ANKRD44: variants seen among roughly 807,000 people sequenced by gnomAD.
ANKRD44 encodes serine/threonine-protein phosphatase 6 regulatory ankyrin repeat subunit B.
Under a neutral mutation model 116.0 loss-of-function variants are expected in ANKRD44, and 35 were observed. That is an observed-to-expected ratio of 0.30 (90% CI 0.23 to 0.40). The LOEUF (loss-of-function observed/expected upper bound fraction) is 0.40. Ranked by LOEUF, ANKRD44 falls within the 10% of genes least tolerant of loss-of-function variation. The pLI, the probability that ANKRD44 is intolerant of heterozygous loss-of-function variation, is 1.00. For synonymous variants in ANKRD44, 435 were observed against 461.8 expected, an observed-to-expected ratio of 0.94 and a Z score of 0.74; for missense variants, 1,014 against 1,242.6, an observed-to-expected ratio of 0.82 and a Z score of 2.77.
intron 27 of ANKRD44, among the ~76,000 whole-genome samples, chr2:196,991,366 C>T (rs569031498): frequency 1.3e-5 from 2 of 152,254 alleles, no homozygotes; most frequent in South Asian, 4.2e-4. Context: ...AGAACAATGA[C>T]TTTCCATTGT....
At chr2:197,038,968 T>G (rs2124939637) in intron 16 of ANKRD44, among the ~76,000 whole-genome samples, 1 of 152,304 alleles carries the variant, frequency 6.6e-6, no homozygotes, top group East Asian at 1.9e-4. Flanking sequence ...AATCAAAGTG[T>G]TCCCATATTA....
intron 1 of ANKRD44, among the ~76,000 whole-genome samples, chr2:197,267,829 C>T (rs1327084657): frequency 5.3e-5 from 8 of 152,178 alleles, no homozygotes; most frequent in East Asian, 3.9e-4. Flanking sequence ...GAGCTGGGGT[C>T]GGGGTAAGAC....
chr2:197,042,269 G>A (rs977536612), intron 16 of ANKRD44, among the ~76,000 whole-genome samples: 3 of 152,062 alleles, frequency 2.0e-5, no homozygotes, highest in Non-Finnish European at 2.9e-5. Context: ...TTGCAGGCCT[G>A]CATTTGGCAA....
At chr2:197,086,993 A>G (rs1361543716) in intron 12 of ANKRD44, among the ~76,000 whole-genome samples, 5 of 152,248 alleles carry the variant, frequency 3.3e-5, no homozygotes, top group Non-Finnish European at 4.4e-5. Context: ...TTTTAATTCC[A>G]TGACTAAGAA....
At chr2:197,005,617 G>A in intron 21 of ANKRD44, 77 bp downstream of exon 21, 2 of 1,281,832 alleles carry the variant, frequency 1.6e-6, no homozygotes. Context: ...ATTACATAAG[G>A]CTCTCACCTC....
intron 20 of ANKRD44, among the ~76,000 whole-genome samples, chr2:197,007,529 C>T (rs914626845): frequency 1.3e-4 from 20 of 152,170 alleles, no homozygotes; most frequent in Non-Finnish European, 7.4e-5. Flanking sequence ...AGTCAGAAAG[C>T]AGAACCAATT....
chr2:197,061,164 A>G (rs2077303995), intron 16 of ANKRD44, among the ~76,000 whole-genome samples: 1 of 152,242 alleles, frequency 6.6e-6, no homozygotes, highest in South Asian at 2.1e-4. Flanking sequence ...CAAGCTATGA[A>G]GGCTCATGGA....
At chr2:197,116,856 A>G (rs2078722940) in intron 8 of ANKRD44, among the ~76,000 whole-genome samples, 2 of 152,128 alleles carry the variant, frequency 1.3e-5, no homozygotes. Flanking sequence ...AAAACCTAAA[A>G]ATCAGCTTGT....
intron 2 of ANKRD44, among the ~76,000 whole-genome samples, chr2:197,181,177 G>T (rs1400218486): frequency 1.3e-5 from 2 of 151,548 alleles, no homozygotes; most frequent in East Asian, 3.9e-4. Context: ...AATCTACTTG[G>T]GTCAAATCCT....
At chr2:197,180,790 T>G (rs1369186183) in intron 2 of ANKRD44, among the ~76,000 whole-genome samples, 1 of 152,140 alleles carries the variant, frequency 6.6e-6, no homozygotes, top group Non-Finnish European at 1.5e-5. Flanking sequence ...CATCCCAAGT[T>G]CTTTGAGTGG....
At chr2:196,989,884 A>G in intron 27 of ANKRD44, 1 of 1,197,666 alleles carries the variant, frequency 8.3e-7, no homozygotes, top group Non-Finnish European at 1.0e-6. Context: ...ATTTTGATTT[A>G]AGAATAAATT....
At chr2:197,126,094 T>C (rs2078968888) in intron 4 of ANKRD44, 57 bp from the exon 5 acceptor site, 4 of 1,563,812 alleles carry the variant, frequency 2.6e-6, no homozygotes, top group South Asian at 1.1e-5. Flanking sequence ...CAATACTTAC[T>C]GGTGTAAGAT....
intron 21 of ANKRD44, among the ~76,000 whole-genome samples, chr2:197,005,400 T>C (rs2076184132): frequency 6.6e-6 from 1 of 152,194 alleles, no homozygotes; most frequent in Admixed American, 6.5e-5. Flanking sequence ...ATTATATAGA[T>C]CAGAAACCCT....
At chr2:197,292,128 T>C (rs1001918710) in intron 1 of ANKRD44, among the ~76,000 whole-genome samples, 2 of 152,260 alleles carry the variant, frequency 1.3e-5, no homozygotes, top group Non-Finnish European at 1.5e-5. Flanking sequence ...AGTGCCACAA[T>C]AAACATATGT....
intron 16 of ANKRD44, among the ~76,000 whole-genome samples, chr2:197,045,089 CTTCT>C (rs373164821): frequency 4.9e-5 from 5 of 102,224 alleles, no homozygotes; most frequent in African/African-American, 1.3e-4. Flanking sequence ...GGATTTCTTT[CTTCT>C]TTTTTTTTTT....
intron 1 of ANKRD44, among the ~76,000 whole-genome samples, chr2:197,284,903 A>T (rs547575679): frequency 6.6e-5 from 10 of 150,652 alleles, no homozygotes; most frequent in Middle Eastern, 3.4e-3. Context: ...AAAAAATTAA[A>T]TTTTTTTTTA....
At chr2:197,174,822 A>C (rs564003231) in intron 2 of ANKRD44, among the ~76,000 whole-genome samples, 2 of 152,310 alleles carry the variant, frequency 1.3e-5, no homozygotes, top group Middle Eastern at 3.4e-3. Flanking sequence ...AGGTGGTGAG[A>C]AGTGCTAGGA....
intron 21 of ANKRD44, among the ~76,000 whole-genome samples, chr2:196,973,946 A>C (rs2075738084): frequency 6.6e-6 from 1 of 152,212 alleles, no homozygotes; most frequent in African/African-American, 2.4e-5. Flanking sequence ...TTGACATTGA[A>C]ATAAGCCTTG....
intron 24 of ANKRD44, among the ~76,000 whole-genome samples, 165 bp downstream of exon 24, chr2:196,998,742 A>G (rs1160730590): frequency 6.6e-6 from 1 of 152,252 alleles, no homozygotes; most frequent in East Asian, 1.9e-4. Flanking sequence ...ATCAAAAAAC[A>G]GGGAACTGAA....
Sources: allele counts gnomAD v4.1 joint callset (sites outside exome capture counted in the v4.1 genomes callset), GRCh38; gene constraint gnomAD v4.1.1; transcripts MANE v1.5; gene names NCBI Gene and HGNC (gene_info 2026-07-23, HGNC 2026-07-21).